Variants in HNF4A observed in about 807,000 individuals in gnomAD.
HNF4A encodes hepatocyte nuclear factor 4 alpha.
In HNF4A, 15 loss-of-function variants were observed where a neutral mutation model predicts 52.4. That is an observed-to-expected ratio of 0.29 (90% CI 0.19 to 0.44). The LOEUF (loss-of-function observed/expected upper bound fraction) is 0.44. Among genes scored for constraint, HNF4A ranks in the 20% least tolerant of loss-of-function variants. The pLI is 1.00. For synonymous variants in HNF4A, 280 were observed against 264.4 expected, an observed-to-expected ratio of 1.06 and a Z score of -0.57; for missense variants, 479 against 647.2, an observed-to-expected ratio of 0.74 and a Z score of 2.82.
intron 1 of HNF4A, among the ~76,000 whole-genome samples, chr20:44,391,832 C>T (rs368160070): frequency 1.6e-3 from 239 of 152,202 alleles, no homozygotes; most frequent in African/African-American, 5.2e-3. Flanking sequence ...GATGTGGTTC[C>T]CCATAGTGAG....
At chr20:44,402,435 C>T (rs903874597) in intron 1 of HNF4A, 35 of 472,430 alleles carry the variant, frequency 7.4e-5, no homozygotes, top group South Asian at 4.6e-4. Flanking sequence ...CCCTGTGCTG[C>T]GGGCGGGGGT....
In HNF4A at chr20:44,424,114, C is replaced by T. The variant is rs779433584; in HGVS notation, c.989C>T (p.Ser330Leu). 11 of 1,613,360 alleles carry T rather than the reference C, an allele frequency of 6.8e-6. No individual in the cohort carries two copies. The highest frequency in any genetic ancestry group is 3.3e-5 in the South Asian group (3 of 91,054). Residue 330 changes from serine to leucine, a missense_variant, in exon 8 of 10, where the codon TCG becomes TTG. Coordinates refer to ENST00000316099, the MANE Select transcript of HNF4A (RefSeq NM_000457.6). ...TACATCAACGACCGCCAGTATGACTCGCGTGGCCGCTTTGGAGAGCTGCTG... is the reference window on the plus strand; with the variant it reads ...TACATCAACGACCGCCAGTATGACTTGCGTGGCCGCTTTGGAGAGCTGCTG...
exon 1 of HNF4A, chr20:44,355,761 CT>C: frequency 1.2e-6 from 2 of 1,601,216 alleles, no homozygotes; most frequent in South Asian, 2.2e-5. Context: ...GAGCGGGCCC[CT>C]GCTCCTCCAT....
intron 1 of HNF4A, among the ~76,000 whole-genome samples, chr20:44,379,263 T>C (rs181423993): frequency 1.1e-3 from 170 of 152,334 alleles, no homozygotes; most frequent in African/African-American, 3.8e-3. Flanking sequence ...AACTTGAGTA[T>C]ACAAATCTCT....
chr20:44,383,378 T>C (rs76422097), intron 1 of HNF4A, among the ~76,000 whole-genome samples: 16,904 of 152,174 alleles, frequency 0.11, 1,289 homozygotes, highest in Non-Finnish European at 0.17. Flanking sequence ...AGCAGTTCAG[T>C]AACTTGTCCA....
intron 1 of HNF4A, among the ~76,000 whole-genome samples, chr20:44,395,145 G>C (rs193163870): frequency 3.9e-5 from 6 of 152,204 alleles, no homozygotes; most frequent in Non-Finnish European, 8.8e-5. Flanking sequence ...GAAAGTGCTC[G>C]TTGTTAAGAC....
At chr20:44,365,843 C>CA (rs2062965042) in intron 1 of HNF4A, among the ~76,000 whole-genome samples, 2 of 151,980 alleles carry the variant, frequency 1.3e-5, no homozygotes, top group Non-Finnish European at 2.9e-5. Flanking sequence ...CCCACCTCTA[C>CA]AAAAAACACA....
intron 1 of HNF4A, among the ~76,000 whole-genome samples, chr20:44,373,988 C>A (rs572773696): frequency 6.6e-6 from 1 of 152,104 alleles, no homozygotes; most frequent in Non-Finnish European, 1.5e-5. Context: ...CTGCACCAGG[C>A]CTTAATTAAA....
rs199956600 is a variant in HNF4A, at chr20:44,428,398, T to C, written c.1193T>C (p.Met398Thr). 3.7e-5 allele frequency: 60 copies of C among 1,614,138 alleles called. No homozygotes were observed. The East Asian group carries it at 1.3e-3, about 35-fold the overall frequency. The change falls in exon 9 of 10, where the codon ATG (methionine) becomes ACG (threonine). Residue 398 changes from methionine (M) to threonine (T), a missense_variant. Physicochemically the swap from Met to Thr is moderately conservative, Grantham distance 81. Coordinates refer to ENST00000316099, the MANE Select transcript of HNF4A (RefSeq NM_000457.6). Reference sequence around the variant, plus strand: ...CACCCTCACCTGATGCAGGAACATATGGGAACCAACGTCATCGTTGCCAAC... The same window carrying C: ...CACCCTCACCTGATGCAGGAACATACGGGAACCAACGTCATCGTTGCCAAC...
In HNF4A at chr20:44,406,068, A is replaced by G. The variant is rs1249838257; in HGVS notation, c.126A>G (p.Pro42=). Residue 42 remains proline (P), a synonymous_variant, in exon 2 of 10, where the codon CCA becomes CCG. Coordinates refer to ENST00000316099, the MANE Select transcript of HNF4A (RefSeq NM_000457.6). The stretch of plus-strand genomic sequence containing the variant: ...TCTCTCCTGGCGCAGACACGTCCCC[A>G]TCAGAAGGCACCAACCTCAACGCGC... 6.2e-7 allele frequency: 1 copy of G among 1,612,396 alleles called. No homozygotes were observed. The highest frequency in any genetic ancestry group is 1.3e-5 in the African/African-American group (1 of 74,892).
At chr20:44,403,983 C>G (rs1729571978) in intron 1 of HNF4A, among the ~76,000 whole-genome samples, 1 of 152,120 alleles carries the variant, frequency 6.6e-6, no homozygotes, top group African/African-American at 2.4e-5. Flanking sequence ...GAAAGGGCAC[C>G]CACGTGGCTT....
intron 1 of HNF4A, among the ~76,000 whole-genome samples, chr20:44,380,619 G>T (rs1221783626): frequency 6.6e-6 from 1 of 152,144 alleles, no homozygotes; most frequent in African/African-American, 2.4e-5. Flanking sequence ...AAAGTTTTTG[G>T]TTGTTGTTAT....
intron 1 of HNF4A, among the ~76,000 whole-genome samples, chr20:44,377,056 AG>A (rs1478199130): frequency 6.6e-6 from 1 of 152,070 alleles, no homozygotes; most frequent in Non-Finnish European, 1.5e-5. Flanking sequence ...AAAATAAAAA[AG>A]AAATAAAATA....
Position 44,432,344 on chromosome 20 carries a change from C to CTTTTTTT in HNF4A, c.*2697_*2703dup, listed in dbSNP as rs11450239. 10 of 58,950 alleles carry CTTTTTTT rather than the reference C, an allele frequency of 1.7e-4. No individual in the cohort carries two copies. The highest frequency in any genetic ancestry group is 2.9e-4 in the Admixed American group (1 of 3,478). The allele number at this position is 58,950 out of a possible 1,614,324, so 3.7% of individuals were successfully genotyped here. ...ATGATATTAGAAAATCTCTCGCTCT[C>CTTTTTTT]TTTTTTTTTTTTTTTTTTTTTTTTG... On this transcript the variant is annotated 3_prime_UTR_variant, in exon 10 of 10. Transcript: ENST00000316099.
At chr20:44,413,672 A>C (rs1345435039) in intron 3 of HNF4A, 22 bp from the exon 4 acceptor site, 4 of 1,574,354 alleles carry the variant, frequency 2.5e-6, no homozygotes, top group African/African-American at 2.9e-5. Flanking sequence ...CTCCCTCCTC[A>C]CCTCTCTGTG....
downstream of HNF4A, chr20:44,433,296 A>G (rs529589519): frequency 6.5e-6 from 1 of 153,312 alleles, no homozygotes; most frequent in African/African-American, 2.4e-5. Flanking sequence ...GGTCACCTCA[A>G]TCTGCCAGCA....
At chr20:44,416,085 A>G (rs955638065) in intron 5 of HNF4A, among the ~76,000 whole-genome samples, 7 of 152,140 alleles carry the variant, frequency 4.6e-5, no homozygotes, top group Admixed American at 6.5e-5. Context: ...GAGAGCAATG[A>G]TGGGTGGCCA....
Position 44,424,091 on chromosome 20 carries a change from C to T in HNF4A, c.966C>T (p.Tyr322=). The T allele has an allele frequency of 1.2e-6, 2 of 1,613,376 alleles. No individual in the cohort carries two copies. Among genetic ancestry groups the T allele is most frequent in the Non-Finnish European group, 8.5e-7 (1 of 1,179,982 alleles). Residue 322 remains tyrosine, a synonymous_variant, in exon 8 of 10, where the codon TAC becomes TAT. Transcript: ENST00000316099. ...AGGTGCAGGTGAGCTTGGAGGACTA[C>T]ATCAACGACCGCCAGTATGACTCGC...
intron 1 of HNF4A, among the ~76,000 whole-genome samples, chr20:44,357,445 A>G (rs1258625109): frequency 6.6e-6 from 1 of 152,094 alleles, no homozygotes; most frequent in Non-Finnish European, 1.5e-5. Context: ...AGGGGAAGAC[A>G]TTGTCTCTCA....
Sources: allele counts gnomAD v4.1 joint callset (sites outside exome capture counted in the v4.1 genomes callset), GRCh38; gene constraint gnomAD v4.1.1; transcripts MANE v1.5; gene names NCBI Gene and HGNC (gene_info 2026-07-23, HGNC 2026-07-21).